Variants in CCDC97 observed in about 807,000 individuals in gnomAD.
CCDC97 encodes coiled-coil domain-containing protein 97.
A neutral mutation model predicts 33.9 loss-of-function variants in CCDC97; 27 were observed. The ratio of observed to expected loss-of-function variants is 0.80; its 90% CI spans 0.59 to 1.10. CCDC97 has a LOEUF of 1.10. Among genes scored for constraint, CCDC97 ranks in the 50% least tolerant of loss-of-function variants. The probability of loss-of-function intolerance (pLI) is 0.00; values close to 1 mark genes in which losing one functional copy is unlikely to be tolerated. For missense variants in CCDC97, 422 were observed against 476.6 expected (o/e 0.89, Z 1.07); for synonymous variants, 217 against 194.0 (o/e 1.12, Z -0.99).
In CCDC97 at chr19:41,319,877, C is replaced by G. The variant is rs771386628; in HGVS notation, c.781+25C>G. 8.1e-6 allele frequency: 9 copies of G among 1,111,760 alleles called. No individual in the cohort carries two copies. The African/African-American group carries it at 9.3e-5, about 11-fold the overall frequency. 68.9% of individuals were successfully genotyped at this position (1,111,760 alleles called of 1,614,324 possible). A position where few individuals can be genotyped will look rare whatever the true frequency, so the allele number is the denominator to read the frequency against. ...GGTGAGGGCCAGTAGCAGGAAGACC[C>G]CAGATTCCAGACACCCCAGCCCTAG... On this transcript the variant is annotated intron_variant, in intron 3 of 4. Coordinates refer to ENST00000269967, the MANE Select transcript of CCDC97 (RefSeq NM_052848.3).
intron 1 of CCDC97, among the ~76,000 whole-genome samples, chr19:41,314,432 G>A (rs1346901177): frequency 1.3e-5 from 2 of 152,252 alleles, no homozygotes; most frequent in Non-Finnish European, 2.9e-5. Flanking sequence ...GCAAGCCACC[G>A]CGCCCGGCCT....
intron 1 of CCDC97, among the ~76,000 whole-genome samples, chr19:41,314,228 C>T (rs572926813): frequency 6.6e-6 from 1 of 151,988 alleles, no homozygotes; most frequent in African/African-American, 2.4e-5. Flanking sequence ...CTCACCGCAA[C>T]CTCTGCCTCC....
chr19:41,310,365 T>C lies in CCDC97; in HGVS notation c.46+9T>C. On this transcript the variant is annotated intron_variant, in intron 1 of 4. Transcript: ENST00000269967. The stretch of plus-strand genomic sequence containing the variant: ...GAAGGAACCCGATAAGGGTGAGATC[T>C]TGGTCACGCGCAGGCGGCGGGTGGG... The C allele has an allele frequency of 6.2e-7, 1 of 1,603,404 alleles. No individual in the cohort carries two copies. The highest frequency in any genetic ancestry group is 8.5e-7 in the Non-Finnish European group (1 of 1,175,678).
chr19:41,312,992 G>C (rs2037704704), intron 1 of CCDC97, among the ~76,000 whole-genome samples: 1 of 152,098 alleles, frequency 6.6e-6, no homozygotes, highest in Admixed American at 6.6e-5. Flanking sequence ...AGCTGGTCTT[G>C]AGCTCCTGAC....
At chr19:41,316,997 TGTAAA>T (rs1412967916) in intron 2 of CCDC97, among the ~76,000 whole-genome samples, 158 bp downstream of exon 2, 1 of 151,816 alleles carries the variant, frequency 6.6e-6, no homozygotes, top group Admixed American at 6.6e-5. Context: ...GAGACAGAAA[TGTAAA>T]GTAAGGGGGA....
At position 41,321,198 on chromosome 19, in the gene CCDC97, A is replaced by G. The variant is rs147152044; in HGVS notation, c.911+728A>G. Reference sequence around the variant, plus strand: ...ATTGCCCCTGCCGTGGGGCCCAGCCATGGTCACCAGAGCCTCCTCCCATTC... The same window carrying G: ...ATTGCCCCTGCCGTGGGGCCCAGCCGTGGTCACCAGAGCCTCCTCCCATTC... On this transcript the variant is annotated intron_variant, in intron 4 of 4. Transcript: ENST00000269967. Among the ~76,000 whole-genome samples the G allele has an allele frequency of 6.0e-4, 91 of 152,358 alleles. No homozygotes were observed. In the East Asian group the frequency reaches 0.017, roughly 28 times the overall value.
rs1156289303 is a variant in CCDC97 at position 41,316,384 on chromosome 19, GC to G, written c.48del (p.Cys17AlafsTer2). On this transcript the variant is annotated frameshift_variant and splice_region_variant, in exon 2 of 5. Transcript: ENST00000269967. LOFTEE classifies it high-confidence loss of function. ...TATAAKEPDKGCIEPGPGHWG... is the reference protein window; with the variant it reads ...TATAAKEPDKXCIEPGPGHWG... ...ACTAACCAATCTCTCCTTTCCTCAG[GC>G]TGCATAGAGCCTGGACCTGGGCACT... is the stretch of plus-strand genomic sequence containing the variant. 3 of 1,606,576 alleles carry G rather than the reference GC, an allele frequency of 1.9e-6. No individual in the cohort carries two copies. The African/African-American group carries it at 4.0e-5, about 21-fold the overall frequency.
chr19:41,313,181 C>T (rs1208890607), intron 1 of CCDC97, among the ~76,000 whole-genome samples: 2 of 152,098 alleles, frequency 1.3e-5, no homozygotes, highest in African/African-American at 4.8e-5. Context: ...CTGTGCAGTG[C>T]TTTTTCCTGG....
chr19:41,312,007 T>C (rs2037691462), intron 1 of CCDC97, among the ~76,000 whole-genome samples: 1 of 152,232 alleles, frequency 6.6e-6, no homozygotes, highest in South Asian at 2.1e-4. Context: ...CTGACTTTTC[T>C]CCTAAGAAAC....
rs575323158 is a variant in CCDC97 at position 41,319,579 on chromosome 19, G to A, written c.508G>A (p.Glu170Lys). Residue 170 changes from glutamate to lysine, a missense_variant, in exon 3 of 5, where the codon GAG becomes AAG. Physicochemically the swap from Glu to Lys is moderately conservative, Grantham distance 56. Coordinates refer to ENST00000269967, the MANE Select transcript of CCDC97 (RefSeq NM_052848.3). Reference protein sequence around the residue: ...AALRELIQGGEYFSDEQMRFR... With the variant: ...AALRELIQGGKYFSDEQMRFR... ...CCTGTCTCTCCTCTGTGCAGGGGGCGAGTACTTCAGTGATGAGCAGATGCG... is the reference window on the plus strand; with the variant it reads ...CCTGTCTCTCCTCTGTGCAGGGGGCAAGTACTTCAGTGATGAGCAGATGCG... 1.8e-5 allele frequency: 29 copies of A among 1,596,420 alleles called. No individual in the cohort carries two copies. The Admixed American group carries it at 2.9e-4, about 16-fold the overall frequency.
At chr19:41,319,961 T>C (rs535363173) in intron 3 of CCDC97, 109 bp downstream of exon 3, 2 of 625,570 alleles carry the variant, frequency 3.2e-6, no homozygotes, top group East Asian at 2.8e-5. Flanking sequence ...AAAGCCGACA[T>C]TGCGTCCCTC....
intron 3 of CCDC97, 52 bp from the exon 4 acceptor site, chr19:41,320,289 G>T: frequency 1.2e-6 from 2 of 1,608,570 alleles, no homozygotes; most frequent in South Asian, 1.1e-5. Flanking sequence ...TCTGTGCTCA[G>T]TGCCTGCCCG....
chr19:41,313,157 T>C (rs2037706599), intron 1 of CCDC97, among the ~76,000 whole-genome samples: 1 of 152,156 alleles, frequency 6.6e-6, no homozygotes, highest in Non-Finnish European at 1.5e-5. Context: ...TTCAGAGGCA[T>C]GTCCTCCCCG....
At chr19:41,311,995 G>C (rs1042900781) in intron 1 of CCDC97, among the ~76,000 whole-genome samples, 3 of 152,190 alleles carry the variant, frequency 2.0e-5, no homozygotes, top group African/African-American at 7.2e-5. Flanking sequence ...GCTCACGACT[G>C]TCTGACTTTT....
At chr19:41,311,504 AG>A (rs1568467515) in intron 1 of CCDC97, among the ~76,000 whole-genome samples, 3 of 152,138 alleles carry the variant, frequency 2.0e-5, no homozygotes, top group South Asian at 2.1e-4. Flanking sequence ...AGGCGGAGGC[AG>A]GAAGATCACC....
At chr19:41,318,366 C>G (rs1393872229) in intron 2 of CCDC97, among the ~76,000 whole-genome samples, 1 of 152,128 alleles carries the variant, frequency 6.6e-6, no homozygotes, top group African/African-American at 2.4e-5. Context: ...GCAGGAGAAT[C>G]ACTTGAACCC....
In CCDC97 at chr19:41,316,332, A is replaced by G. The variant is rs1440578155; in HGVS notation, c.47-52A>G. 5.6e-6 allele frequency: 8 copies of G among 1,430,504 alleles called. No homozygotes were observed. In the African/African-American group the frequency reaches 1.1e-4, roughly 20 times the overall value. The allele number at this position is 1,430,504 out of a possible 1,614,324, so 88.6% of individuals were successfully genotyped here. A position where few individuals can be genotyped will look rare whatever the true frequency, so the allele number is the denominator to read the frequency against. On this transcript the variant is annotated intron_variant, in intron 1 of 4. Transcript: ENST00000269967. ...GAGCTGAGTGAGTGACTAAGCCCCCAGTCCCTTCCCACACTCCCATCTCTG... is the reference window on the plus strand; with the variant it reads ...GAGCTGAGTGAGTGACTAAGCCCCCGGTCCCTTCCCACACTCCCATCTCTG...
rs1322537294 is a variant in CCDC97, at chr19:41,320,397, A to T, written c.838A>T (p.Ile280Phe). The T allele has an allele frequency of 2.5e-6, 4 of 1,614,072 alleles. No homozygotes were observed. Among genetic ancestry groups the T allele is most frequent in the Non-Finnish European group, 3.4e-6 (4 of 1,179,996 alleles). Residue 280 changes from isoleucine (I) to phenylalanine (F), a missense_variant, in exon 4 of 5, where the codon ATC becomes TTC. Ile to Phe is a conservative substitution (Grantham distance 21). Coordinates refer to ENST00000269967, the MANE Select transcript of CCDC97 (RefSeq NM_052848.3). ...AWVPDSEERL[I>F]LREEFTSRMH... The stretch of plus-strand genomic sequence containing the variant: ...GGTTCCCGACTCGGAGGAGAGGCTG[A>T]TCCTGCGAGAGGAGTTCACCAGCCG...
At chr19:41,319,989 C>G (rs1056349190) in intron 3 of CCDC97, 137 bp downstream of exon 3, 1 of 611,330 alleles carries the variant, frequency 1.6e-6, no homozygotes, top group Non-Finnish European at 2.9e-6. Context: ...CAGCCTGACT[C>G]TCTGTGTATG....
Sources: gnomAD v4.1 joint callset for allele counts (sites outside exome capture counted in the v4.1 genomes callset) on GRCh38, gnomAD v4.1.1 for gene constraint, MANE v1.5 for transcripts, NCBI Gene and HGNC (gene_info 2026-07-23, HGNC 2026-07-21) for gene names.